RELN: variants seen among roughly 807,000 people sequenced by gnomAD.
RELN encodes reelin.
In RELN, 108 loss-of-function variants were observed where a neutral mutation model predicts 427.6. The ratio of observed to expected loss-of-function variants is 0.25; its 90% confidence interval spans 0.22 to 0.30. The LOEUF (loss-of-function observed/expected upper bound fraction) is 0.30, where lower values mean the gene tolerates loss of function less well. Among genes scored for constraint, RELN ranks in the 10% least tolerant of loss-of-function variants. The probability of loss-of-function intolerance (pLI) is 1.00; values close to 1 mark genes in which losing one functional copy is unlikely to be tolerated. For missense variants in RELN, 3,715 were observed against 4,302.8 expected (o/e 0.86, Z 3.82); for synonymous variants, 1,524 against 1,513.4 (o/e 1.01, Z -0.16).
intron 4 of RELN, among the ~76,000 whole-genome samples, chr7:103,764,557 G>A (rs1032007744): frequency 1.3e-5 from 2 of 152,042 alleles, no homozygotes; most frequent in East Asian, 3.9e-4. Context: ...CAAAAAGAAG[G>A]CCAGGCATGG....
chr7:103,915,861 T>C (rs530605533), intron 2 of RELN, among the ~76,000 whole-genome samples: 164 of 152,340 alleles, frequency 1.1e-3, no homozygotes, highest in Non-Finnish European at 1.2e-3. Flanking sequence ...TATACTTATG[T>C]ACTTATATAC....
At chr7:103,609,987 A>G (rs572416418) in intron 22 of RELN, among the ~76,000 whole-genome samples, 32 of 152,278 alleles carry the variant, frequency 2.1e-4, no homozygotes, top group African/African-American at 7.5e-4. Context: ...CACGTGATTA[A>G]TTAATCATTG....
intron 1 of RELN, among the ~76,000 whole-genome samples, chr7:103,951,104 T>C (rs1448976903): frequency 6.6e-6 from 1 of 152,202 alleles, no homozygotes; most frequent in Admixed American, 6.5e-5. Context: ...TAATTTTTTG[T>C]ATTTTTAGTA....
At chr7:103,849,041 A>C (rs1793750250) in intron 2 of RELN, among the ~76,000 whole-genome samples, 1 of 152,200 alleles carries the variant, frequency 6.6e-6, no homozygotes, top group Non-Finnish European at 1.5e-5. Context: ...TGACAGGGTC[A>C]CATCATGTCA....
In RELN at chr7:103,718,941, T is replaced by C. The variant is rs547121248; in HGVS notation, c.805+4199A>G. Among the ~76,000 whole-genome samples, 61 of 152,312 alleles carry C rather than the reference T, an allele frequency of 4.0e-4. No individual in the cohort carries two copies. The South Asian group carries it at 0.012, about 31-fold the overall frequency. The stretch of plus-strand genomic sequence containing the variant: ...TAGAGTGACTCAATGCAGATCTCTA[T>C]CAAGGAAGTGACAAAGAACCCCTAA... On this transcript the variant is annotated intron_variant, in intron 8 of 64. Coordinates refer to ENST00000428762, the MANE Select transcript of RELN (RefSeq NM_005045.4).
chr7:103,927,981 C>G (rs547865062), intron 1 of RELN, among the ~76,000 whole-genome samples: 3 of 151,442 alleles, frequency 2.0e-5, no homozygotes, highest in African/African-American at 4.8e-5. Context: ...TTAATCTACC[C>G]TTAGCACATA....
chr7:103,725,004 A>G (rs1273262539), intron 7 of RELN, among the ~76,000 whole-genome samples: 1 of 152,088 alleles, frequency 6.6e-6, no homozygotes, highest in Non-Finnish European at 1.5e-5. Flanking sequence ...GGGGCCCTTA[A>G]AGAGCTTTTG....
chr7:103,755,886 C>G lies in RELN; in HGVS notation c.545-2672G>C, dbSNP rs1791138403. ...TTAGCTATATTGCAAAAGGGATTCT[C>G]TGTATTCATGTTATAAAGTGTTAAA... On this transcript the variant is annotated intron_variant, in intron 4 of 64. Coordinates refer to ENST00000428762, the MANE Select transcript of RELN (RefSeq NM_005045.4). Among the ~76,000 whole-genome samples, 4 of 149,522 alleles carry G rather than the reference C, an allele frequency of 2.7e-5. No homozygotes were observed. The South Asian group carries it at 8.4e-4, about 32-fold the overall frequency.
chr7:103,766,883 C>T (rs1021216763), intron 4 of RELN, among the ~76,000 whole-genome samples: 1 of 152,186 alleles, frequency 6.6e-6, no homozygotes, highest in Non-Finnish European at 1.5e-5. Flanking sequence ...TGACATAAAA[C>T]GTTTGCCTTT....
chr7:103,603,551 C>G lies in RELN; in HGVS notation c.3147-61G>C. ...GCCCACCTGCCAATGCAATGGCCCTCTGACCTCAACCATTTCCCATGTCTT... is the reference window on the plus strand; with the variant it reads ...GCCCACCTGCCAATGCAATGGCCCTGTGACCTCAACCATTTCCCATGTCTT... On this transcript the variant is annotated intron_variant, in intron 23 of 64. Coordinates refer to ENST00000428762, the MANE Select transcript of RELN (RefSeq NM_005045.4). This position sits in a 1 kb window ranked among gnomAD's most constrained non-coding sequence, Gnocchi z 4.3. 8.2e-7 allele frequency: 1 copy of G among 1,212,496 alleles called. No individual in the cohort carries two copies. Among genetic ancestry groups the G allele is most frequent in the South Asian group, 1.2e-5 (1 of 82,898 alleles). 75.1% of individuals were successfully genotyped at this position (1,212,496 alleles called of 1,614,324 possible).
intron 1 of RELN, among the ~76,000 whole-genome samples, chr7:103,922,326 C>A (rs1467318829): frequency 6.6e-6 from 1 of 151,928 alleles, no homozygotes; most frequent in Non-Finnish European, 1.5e-5. Flanking sequence ...TTTTATATAT[C>A]TGTATTTTGT....
chr7:103,774,521 C>A (rs1180002845), intron 4 of RELN, among the ~76,000 whole-genome samples: 1 of 152,008 alleles, frequency 6.6e-6, no homozygotes, highest in African/African-American at 2.4e-5. Flanking sequence ...ACATACTGAG[C>A]GTGTTAAAAT....
At chr7:103,505,147 A>G (rs1430984704) in intron 51 of RELN, among the ~76,000 whole-genome samples, 1 of 152,220 alleles carries the variant, frequency 6.6e-6, no homozygotes, top group African/African-American at 2.4e-5. Context: ...CAGCTTCAGC[A>G]GACTTAAACG....
At chr7:103,619,168 T>A (rs983776414) in intron 20 of RELN, among the ~76,000 whole-genome samples, 2 of 151,856 alleles carry the variant, frequency 1.3e-5, no homozygotes, top group African/African-American at 2.4e-5. Context: ...AAAACTCACA[T>A]CAAATTGGGT....
chr7:103,796,717 C>A (rs1792306641), intron 3 of RELN, among the ~76,000 whole-genome samples: 1 of 151,828 alleles, frequency 6.6e-6, no homozygotes, highest in African/African-American at 2.4e-5. Context: ...AAAAATTAGG[C>A]AGGCGTGGTG....
At chr7:103,671,708 A>G (rs1429183942) in intron 11 of RELN, among the ~76,000 whole-genome samples, 1 of 152,166 alleles carries the variant, frequency 6.6e-6, no homozygotes, top group African/African-American at 2.4e-5. Flanking sequence ...TTATTGCTCA[A>G]GCAATCTTTA....
intron 1 of RELN, among the ~76,000 whole-genome samples, chr7:103,949,272 G>T (rs1356515880): frequency 6.6e-6 from 1 of 151,800 alleles, no homozygotes. Context: ...AAATTCAAAA[G>T]CCAAATCTGG....
chr7:103,659,713 G>A (rs1428657373), intron 12 of RELN, among the ~76,000 whole-genome samples: 5 of 152,124 alleles, frequency 3.3e-5, no homozygotes, highest in Non-Finnish European at 4.4e-5. Context: ...GATGGTACTT[G>A]TGGGTGGGAA....
intron 52 of RELN, among the ~76,000 whole-genome samples, chr7:103,501,314 C>T (rs978941972): frequency 3.4e-4 from 51 of 152,182 alleles, no homozygotes; most frequent in Admixed American, 3.1e-3. Flanking sequence ...AGGTGAGTGA[C>T]GCCTTTGACA....
Sources: gnomAD v4.1 joint callset for allele counts (sites outside exome capture counted in the v4.1 genomes callset) on GRCh38, gnomAD v4.1.1 for gene constraint, Gnocchi (gnomAD v3.1) non-coding constraint, MANE v1.5 for transcripts, NCBI Gene and HGNC (gene_info 2026-07-23, HGNC 2026-07-21) for gene names.